The following TNKS2 variants were observed in gnomAD, a reference collection of about 807,000 sequenced individuals.
TNKS2 encodes the protein poly [ADP-ribose] polymerase tankyrase-2.
TNKS2 carries 72 observed loss-of-function variants against 137.6 expected under a neutral mutation model. The observed-to-expected ratio is 0.52, with a 90% CI of 0.43 to 0.64. TNKS2 has a LOEUF of 0.64. Among genes scored for constraint, TNKS2 ranks in the 30% least tolerant of loss-of-function variants. TNKS2 has a pLI of 0.00. For synonymous variants in TNKS2, 516 were observed against 512.1 expected (o/e 1.01, Z -0.10); for missense variants, 1,049 against 1,410.2 (o/e 0.74, Z 4.10).
At chr10:91,854,197 C>T (rs1197946085) in intron 21 of TNKS2, among the ~76,000 whole-genome samples, 1 of 152,066 alleles carries the variant, frequency 6.6e-6, no homozygotes, top group Non-Finnish European at 1.5e-5. Context: ...TGTCATAATT[C>T]TTCCTCATAT....
intron 7 of TNKS2, 97 bp downstream of exon 7, chr10:91,822,459 C>A: frequency 1.1e-6 from 1 of 942,082 alleles, no homozygotes; most frequent in Non-Finnish European, 1.6e-6. Flanking sequence ...TTTCTGTGTT[C>A]TTAGTGCTTA....
chr10:91,862,955 ATTAC>A lies in TNKS2; in HGVS notation c.3462_3465del (p.Tyr1155ArgfsTer3). 8 of 1,606,888 alleles carry A rather than the reference ATTAC, an allele frequency of 5.0e-6. No homozygotes were observed. The highest frequency in any genetic ancestry group is 6.8e-6 in the Non-Finnish European group (8 of 1,175,620). On this transcript the variant is annotated frameshift_variant, in exon 27 of 27. Coordinates refer to ENST00000371627, the MANE Select transcript of TNKS2 (RefSeq NM_025235.4). LOFTEE classifies it high-confidence loss of function. ...CTTCCAGGCTTATCCTGAGTATTTA[ATTAC>A]TTACCAGATTATGAGGCCTGAAGGT...
rs374756364 is a variant in TNKS2 at position 91,822,283 on chromosome 10, C to T, written c.729-13C>T. 52 of 1,599,842 alleles carry T rather than the reference C, an allele frequency of 3.3e-5. 1 individual carries two copies. In the Middle Eastern group the frequency reaches 5.0e-4, roughly 15 times the overall value. On this transcript the variant is annotated splice_polypyrimidine_tract_variant and intron_variant, in intron 6 of 26. Transcript: ENST00000371627. Reference sequence around the variant, plus strand: ...TATACTGAAACAGGATTTTCCCCCCCTTCTCATTGTAGTGATCTGGTACCA... The same window carrying T: ...TATACTGAAACAGGATTTTCCCCCCTTTCTCATTGTAGTGATCTGGTACCA...
intron 16 of TNKS2, among the ~76,000 whole-genome samples, 193 bp from the exon 17 acceptor site, chr10:91,844,726 A>G (rs1842313962): frequency 6.6e-6 from 1 of 152,184 alleles, no homozygotes; most frequent in Admixed American, 6.5e-5. Flanking sequence ...TAAATTGTTA[A>G]TAGAGTCCAA....
chr10:91,837,565 T>C (rs1478255932), intron 13 of TNKS2, among the ~76,000 whole-genome samples: 1 of 152,196 alleles, frequency 6.6e-6, no homozygotes, highest in Non-Finnish European at 1.5e-5. Flanking sequence ...TGTAGAAATA[T>C]GTATGTAAAA....
intron 1 of TNKS2, among the ~76,000 whole-genome samples, chr10:91,801,557 C>T (rs1844170480): frequency 6.6e-6 from 1 of 151,990 alleles, no homozygotes; most frequent in Non-Finnish European, 1.5e-5. Flanking sequence ...CACTGCAACC[C>T]CCACCTTCCG....
intron 13 of TNKS2, among the ~76,000 whole-genome samples, chr10:91,837,483 A>G (rs527807750): frequency 6.6e-6 from 1 of 152,322 alleles, no homozygotes; most frequent in East Asian, 1.9e-4. Context: ...AGGGCTTGCA[A>G]CTTCAGGTCT....
chr10:91,817,354 T>A, intron 3 of TNKS2, 125 bp downstream of exon 3: 1 of 542,596 alleles, frequency 1.8e-6, no homozygotes, highest in East Asian at 3.1e-5. Flanking sequence ...TCAGTAGCTA[T>A]CCTTTTCTAC....
At chr10:91,856,690 T>G (rs1386955484) in intron 23 of TNKS2, among the ~76,000 whole-genome samples, 3 of 152,126 alleles carry the variant, frequency 2.0e-5, no homozygotes, top group Non-Finnish European at 4.4e-5. Context: ...GTTTTTTTTG[T>G]TGTTGTTGTT....
intron 12 of TNKS2, 152 bp from the exon 13 acceptor site, chr10:91,836,767 C>T: frequency 7.3e-7 from 1 of 1,371,982 alleles, no homozygotes; most frequent in Non-Finnish European, 9.4e-7. Flanking sequence ...TTTCACTCCC[C>T]AACCCTCACC....
At chr10:91,857,765 A>G (rs1041210511) in intron 24 of TNKS2, among the ~76,000 whole-genome samples, 41 of 152,200 alleles carry the variant, frequency 2.7e-4, no homozygotes, top group Non-Finnish European at 5.4e-4. Flanking sequence ...AGTGTTGACT[A>G]TCTTTTCCTT....
intron 7 of TNKS2, among the ~76,000 whole-genome samples, chr10:91,822,810 G>A (rs1218061689): frequency 4.0e-5 from 6 of 151,846 alleles, no homozygotes; most frequent in South Asian, 4.2e-4. Context: ...CACCTGCCTC[G>A]GCCTCCCAAA....
intron 13 of TNKS2, among the ~76,000 whole-genome samples, chr10:91,840,359 A>G (rs1160571812): frequency 2.6e-5 from 4 of 152,158 alleles, no homozygotes; most frequent in African/African-American, 7.2e-5. Flanking sequence ...ATAAGACAAA[A>G]AAAAAGGGCA....
At chr10:91,815,270 A>G (rs1409389888) in intron 2 of TNKS2, among the ~76,000 whole-genome samples, 1 of 152,146 alleles carries the variant, frequency 6.6e-6, no homozygotes, top group Non-Finnish European at 1.5e-5. Flanking sequence ...CCAAATCACT[A>G]TTTATGTCAA....
chr10:91,836,662 T>G (rs1842029485), intron 12 of TNKS2: 1 of 985,310 alleles, frequency 1.0e-6, no homozygotes, highest in Admixed American at 6.1e-5. Context: ...TTATGTTCCT[T>G]TATATTGCTT....
intron 1 of TNKS2, chr10:91,812,727 T>C (rs981851196): frequency 2.0e-6 from 2 of 981,024 alleles, no homozygotes; most frequent in Non-Finnish European, 2.4e-6. Context: ...TTTTGTATTC[T>C]TTCTTTGAGG....
chr10:91,860,071 A>C (rs896210440), intron 25 of TNKS2, among the ~76,000 whole-genome samples: 1 of 152,196 alleles, frequency 6.6e-6, no homozygotes, highest in Non-Finnish European at 1.5e-5. Context: ...ATACGATCCT[A>C]ATCCTCAATT....
In TNKS2 at chr10:91,842,231, A is replaced by G. The variant is rs1323016739; in HGVS notation, c.1899A>G (p.Lys633=). The change falls in exon 16 of 27, where the codon AAA becomes AAG. Residue 633 remains lysine, a synonymous_variant. Transcript: ENST00000371627. ...GAAATACTCCTTTGGATCTTGTTAAAGATGGAGATACAGATATTCAAGATC... is the reference window on the plus strand; with the variant it reads ...GAAATACTCCTTTGGATCTTGTTAAGGATGGAGATACAGATATTCAAGATC... ...RDGNTPLDLV[K]DGDTDIQDLL... 6.2e-7 allele frequency: 1 copy of G among 1,613,940 alleles called. No homozygotes were observed. The highest frequency in any genetic ancestry group is 8.5e-7 in the Non-Finnish European group (1 of 1,179,986).
Position 91,827,061 on chromosome 10 carries a change from T to C in TNKS2, c.840T>C (p.Pro280=). Residue 280 remains proline, a synonymous_variant, in exon 8 of 27, where the codon CCT becomes CCC. Transcript: ENST00000371627. ...VNAMDLWQFT[P]LHEAASKNRV... Reference sequence around the variant, plus strand: ...CAATGGACTTGTGGCAATTCACTCCTCTTCATGAGGCAGCTTCTAAGAACA... The same window carrying C: ...CAATGGACTTGTGGCAATTCACTCCCCTTCATGAGGCAGCTTCTAAGAACA... 6.2e-7 allele frequency: 1 copy of C among 1,606,232 alleles called. No individual in the cohort carries two copies. The highest frequency in any genetic ancestry group is 8.5e-7 in the Non-Finnish European group (1 of 1,176,278).
Sources: allele counts gnomAD v4.1 joint callset (sites outside exome capture counted in the v4.1 genomes callset), GRCh38; gene constraint gnomAD v4.1.1; transcripts MANE v1.5; gene names NCBI Gene and HGNC (gene_info 2026-07-23, HGNC 2026-07-21).